The following PDE4D variants were observed in gnomAD, a reference collection of about 807,000 sequenced individuals.
PDE4D encodes 3',5'-cyclic-AMP phosphodiesterase 4D.
Under a neutral mutation model 87.4 loss-of-function variants are expected in PDE4D, and 24 were observed. That is an observed-to-expected ratio of 0.27 (90% CI 0.20 to 0.39). PDE4D has a LOEUF of 0.39. Ranked by LOEUF, PDE4D falls within the 10% of genes least tolerant of loss-of-function variation. PDE4D has a pLI of 1.00. For synonymous variants in PDE4D, 384 were observed against 383.2 expected (o/e 1.00, Z -0.02); for missense variants, 714 against 1,041.0 (o/e 0.69, Z 4.32).
intron 6 of PDE4D, among the ~76,000 whole-genome samples, chr5:59,004,442 T>C (rs1751167044): frequency 6.6e-6 from 1 of 152,188 alleles, no homozygotes; most frequent in Non-Finnish European, 1.5e-5. Flanking sequence ...TGATTTCTCT[T>C]ATGGGGAGAA....
chr5:59,717,339 C>T (rs1755179082), intron 1 of PDE4D, among the ~76,000 whole-genome samples: 1 of 152,170 alleles, frequency 6.6e-6, no homozygotes, highest in African/African-American at 2.4e-5. Context: ...TGTGGGGATG[C>T]ATAACTTCAG....
intron 1 of PDE4D, among the ~76,000 whole-genome samples, chr5:59,444,074 G>A (rs1399700154): frequency 2.0e-5 from 3 of 152,166 alleles, no homozygotes; most frequent in African/African-American, 7.2e-5. Flanking sequence ...GCAACGACAC[G>A]CTCTTCACAG....
chr5:59,398,300 T>C (rs1277576676), intron 1 of PDE4D, among the ~76,000 whole-genome samples: 1 of 125,968 alleles, frequency 7.9e-6, no homozygotes, highest in Non-Finnish European at 1.7e-5. Flanking sequence ...TAGACCAATA[T>C]CCTTGATGAA....
At chr5:59,485,982 C>CT (rs974208122) in intron 1 of PDE4D, among the ~76,000 whole-genome samples, 6 of 151,746 alleles carry the variant, frequency 4.0e-5, no homozygotes, top group Non-Finnish European at 8.8e-5. Flanking sequence ...AGGGTTTAAG[C>CT]TTTTTTTTAA....
intron 1 of PDE4D, among the ~76,000 whole-genome samples, chr5:59,680,518 T>C (rs573707731): frequency 1.3e-5 from 2 of 152,258 alleles, no homozygotes; most frequent in South Asian, 4.1e-4. Flanking sequence ...AACAAATTTA[T>C]ATATTAAAAC....
At chr5:59,917,176 G>T (rs1300444265) in intron 3 of PDE4D, among the ~76,000 whole-genome samples, 1 of 151,964 alleles carries the variant, frequency 6.6e-6, no homozygotes, top group Non-Finnish European at 1.5e-5. Flanking sequence ...TGTATAGATT[G>T]AATTCTACTT....
intron 1 of PDE4D, among the ~76,000 whole-genome samples, chr5:59,492,630 T>C (rs1386707707): frequency 6.6e-6 from 1 of 152,150 alleles, no homozygotes; most frequent in East Asian, 1.9e-4. Flanking sequence ...CTGGAGCTAA[T>C]TTTCCAGGGT....
chr5:60,053,130 A>G (rs2409680), intron 2 of PDE4D, among the ~76,000 whole-genome samples: 43,482 of 152,078 alleles, frequency 0.29, 7,086 homozygotes, highest in East Asian at 0.74. Context: ...TAATTTATAG[A>G]TTCAATGCTA....
chr5:59,493,060 T>C (rs1478702442), intron 1 of PDE4D, among the ~76,000 whole-genome samples: 1 of 152,190 alleles, frequency 6.6e-6, no homozygotes, highest in Non-Finnish European at 1.5e-5. Flanking sequence ...ATATGGTCAA[T>C]TCAGTGAGAG....
rs79084927 is a variant in PDE4D at position 59,561,463 on chromosome 5, G to A, written c.455+331705C>T. On this transcript the variant is annotated intron_variant, in intron 1 of 14. Transcript: ENST00000340635. The stretch of plus-strand genomic sequence containing the variant: ...TCTTGTCTTAGTAAAGCAAGTCACC[G>A]CTTCCAGATTTTGGAAGTGGTAATT... Among the ~76,000 whole-genome samples, 959 of 152,188 alleles carry A rather than the reference G, an allele frequency of 6.3e-3. 8 individuals carry two copies. Among genetic ancestry groups the A allele is most frequent in the Non-Finnish European group, 9.5e-3 (644 of 68,008 alleles).
chr5:59,531,817 T>C (rs749982240), intron 1 of PDE4D, among the ~76,000 whole-genome samples: 1 of 152,236 alleles, frequency 6.6e-6, no homozygotes, highest in Non-Finnish European at 1.5e-5. Context: ...TCTCAAGGTC[T>C]GTGCCCCTAA....
chr5:60,119,573 TAA>T (rs368621293), intron 2 of PDE4D, among the ~76,000 whole-genome samples: 15 of 152,246 alleles, frequency 9.9e-5, no homozygotes, highest in African/African-American at 3.6e-4. Context: ...TGACCTTGGA[TAA>T]GTTACTTAAT....
intron 1 of PDE4D, among the ~76,000 whole-genome samples, chr5:59,780,492 ACTTT>A (rs1338688960): frequency 6.6e-6 from 1 of 152,334 alleles, no homozygotes; most frequent in East Asian, 1.9e-4. Context: ...AAAAGCATTA[ACTTT>A]CTTTTTCGGT....
At chr5:60,318,179 G>GC (rs1364602638) in intron 1 of PDE4D, among the ~76,000 whole-genome samples, 6 of 152,160 alleles carry the variant, frequency 3.9e-5, no homozygotes, top group Non-Finnish European at 8.8e-5. Context: ...TGTATTAGGT[G>GC]CATATATATT....
intron 1 of PDE4D, among the ~76,000 whole-genome samples, chr5:60,393,359 G>A (rs1762679529): frequency 6.6e-6 from 1 of 152,142 alleles, no homozygotes; most frequent in Admixed American, 6.5e-5. Context: ...CGCACATTGT[G>A]TCCAATACTT....
intron 1 of PDE4D, among the ~76,000 whole-genome samples, chr5:59,532,476 T>C (rs1441152516): frequency 6.6e-6 from 1 of 152,146 alleles, no homozygotes; most frequent in Non-Finnish European, 1.5e-5. Flanking sequence ...TCACTTGAAT[T>C]AAATAAACCT....
intron 1 of PDE4D, among the ~76,000 whole-genome samples, chr5:60,452,196 G>A (rs1376249168): frequency 6.6e-6 from 1 of 152,034 alleles, no homozygotes; most frequent in Non-Finnish European, 1.5e-5. Flanking sequence ...GTAAATCTCT[G>A]AGAAAACACT....
chr5:60,292,744 C>G (rs1753006889), intron 1 of PDE4D, among the ~76,000 whole-genome samples: 3 of 152,098 alleles, frequency 2.0e-5, no homozygotes. Context: ...CTCCCCCTTC[C>G]CCAACAAAAG....
chr5:60,283,210 GC>G (rs1341597201), intron 1 of PDE4D, among the ~76,000 whole-genome samples: 1 of 152,064 alleles, frequency 6.6e-6, no homozygotes, highest in Non-Finnish European at 1.5e-5. Flanking sequence ...CACAGAGAGT[GC>G]TTCCTAATGC....
Sources: allele counts gnomAD v4.1 joint callset (sites outside exome capture counted in the v4.1 genomes callset), GRCh38; gene constraint gnomAD v4.1.1; transcripts MANE v1.5; gene names NCBI Gene and HGNC (gene_info 2026-07-23, HGNC 2026-07-21).